Variants in FMN2 observed in about 807,000 individuals in gnomAD.
The protein encoded by FMN2 is formin 2, also known as formin-2.
FMN2 carries 51 observed loss-of-function variants against 142.3 expected under a neutral mutation model. The observed-to-expected ratio is 0.36, with a 90% CI of 0.29 to 0.45. The LOEUF is 0.45. Among genes scored for constraint, FMN2 ranks in the 20% least tolerant of loss-of-function variants. The pLI, the probability that FMN2 is intolerant of heterozygous loss-of-function variation, is 1.00. For synonymous variants in FMN2, 882 were observed against 869.8 expected (o/e 1.01, Z -0.25); for missense variants, 1,936 against 2,122.8 (o/e 0.91, Z 1.73).
rs1219188121 is a variant in FMN2 at position 240,114,656 on chromosome 1, CTT to C, written c.1616-8506_1616-8505del. Among the ~76,000 whole-genome samples the C allele has an allele frequency of 8.5e-3, 1,176 of 137,626 alleles. 11 individuals carry two copies. The highest frequency in any genetic ancestry group is 0.031 in the African/African-American group (1,094 of 35,780). 90.3% of individuals were successfully genotyped at this position (137,626 alleles called of 152,430 possible). On this transcript the variant is annotated intron_variant, in intron 1 of 17. Transcript: ENST00000319653. ...TGGTGATTTTCTAATTATATCATTTCTTTTTTTTTTTTTTTTTTGAGACAGAG... is the reference window on the plus strand; with the variant it reads ...TGGTGATTTTCTAATTATATCATTTCTTTTTTTTTTTTTTTTGAGACAGAG...
rs1465189419 is a variant in FMN2, at chr1:240,473,175, G to C, written c.5142+722G>C. 2.0e-5 allele frequency among the ~76,000 whole-genome samples: 3 copies of C among 152,232 alleles called. No homozygotes were observed. The South Asian group carries it at 6.2e-4, about 32-fold the overall frequency. ...AGCGCCAAGAGCAGTGTGACGCTTT[G>C]CCCAGGGTGCCCAGACCCCGTTTAT... On this transcript the variant is annotated intron_variant, in intron 17 of 17. Coordinates refer to ENST00000319653, the MANE Select transcript of FMN2 (RefSeq NM_020066.5). This position sits in a 1 kb window ranked among gnomAD's most constrained non-coding sequence, Gnocchi z 4.3.
At chr1:240,180,702 G>GA (rs1558341754) in intron 3 of FMN2, among the ~76,000 whole-genome samples, 1 of 151,536 alleles carries the variant, frequency 6.6e-6, no homozygotes, top group Non-Finnish European at 1.5e-5. Context: ...GAGTAGCTGG[G>GA]ATTACATGCG....
At chr1:240,212,404 A>G (rs994006781) in intron 6 of FMN2, among the ~76,000 whole-genome samples, 2 of 152,188 alleles carry the variant, frequency 1.3e-5, no homozygotes, top group Non-Finnish European at 2.9e-5. Flanking sequence ...ATGCAGTTGA[A>G]TTCTTTTAGA....
intron 8 of FMN2, among the ~76,000 whole-genome samples, chr1:240,324,664 G>T (rs1671094685): frequency 7.2e-6 from 1 of 138,024 alleles, no homozygotes; most frequent in Non-Finnish European, 1.6e-5. Flanking sequence ...GTGAGACCCT[G>T]TCGAAAGAAG....
rs185730737 is a variant in FMN2, at chr1:240,225,042, C to T, written c.4065+13807C>T. Reference sequence around the variant, plus strand: ...AGACCAAATGATCAATTTCTATGTTCATCAAAAAGATCTGTCTATGGGACT... The same window carrying T: ...AGACCAAATGATCAATTTCTATGTTTATCAAAAAGATCTGTCTATGGGACT... On this transcript the variant is annotated intron_variant, in intron 6 of 17. Coordinates refer to ENST00000319653, the MANE Select transcript of FMN2 (RefSeq NM_020066.5). 2.7e-3 allele frequency among the ~76,000 whole-genome samples: 413 copies of T among 152,268 alleles called. 3 individuals carry two copies. In the South Asian group the frequency reaches 0.027, roughly 10 times the overall value.
intron 16 of FMN2, among the ~76,000 whole-genome samples, chr1:240,440,029 A>G (rs1675554987): frequency 1.3e-5 from 2 of 152,146 alleles, no homozygotes. Context: ...AGAGTCCTCA[A>G]TGGAGTGTAG....
intron 15 of FMN2, among the ~76,000 whole-genome samples, chr1:240,433,058 T>A (rs1675229522): frequency 6.6e-6 from 1 of 152,200 alleles, no homozygotes; most frequent in Non-Finnish European, 1.5e-5. Context: ...GAAAGAGGTG[T>A]TAAAATATCC....
In FMN2 at chr1:240,207,094, A is replaced by G. The variant is rs1260509047; in HGVS notation, c.2282A>G (p.Asp761Gly). 6.2e-7 allele frequency: 1 copy of G among 1,613,950 alleles called. No homozygotes were observed. Among genetic ancestry groups the G allele is most frequent in the Non-Finnish European group, 8.5e-7 (1 of 1,179,988 alleles). ...GGGGTGCTGACACTGCCTCCTGTGG[A>G]TGGGCTGCCAGGGCGTCCTCCATGC... ...EGGVLTLPPV[D>G]GLPGRPPCPP... Residue 761 changes from aspartate to glycine, a missense_variant, in exon 5 of 18, where the codon GAT becomes GGT. By Grantham distance (94) the Asp-to-Gly change is moderately conservative. This residue lies in a region of FMN2 where 478 missense variants were observed against 462.8 expected (regional missense o/e 1.03). Coordinates refer to ENST00000319653, the MANE Select transcript of FMN2 (RefSeq NM_020066.5).
At chr1:240,456,069 G>T (rs9660269) in intron 16 of FMN2, among the ~76,000 whole-genome samples, 113,106 of 151,876 alleles carry the variant, frequency 0.74, 42,291 homozygotes, top group Middle Eastern at 0.82. Flanking sequence ...TTAATCACTA[G>T]TAGTCATGTG....
chr1:240,355,771 C>T, intron 13 of FMN2, 45 bp from the exon 14 acceptor site: 2 of 1,405,684 alleles, frequency 1.4e-6, no homozygotes, highest in Non-Finnish European at 2.0e-6. Context: ...CCTTAATGCT[C>T]CACTAACAGT....
intron 15 of FMN2, among the ~76,000 whole-genome samples, chr1:240,432,065 ATGTT>A (rs1000709733): frequency 7.9e-5 from 12 of 151,960 alleles, no homozygotes; most frequent in African/African-American, 2.4e-4. Context: ...TCTTCATCAA[ATGTT>A]TGTTAATTCA....
intron 15 of FMN2, among the ~76,000 whole-genome samples, chr1:240,427,497 A>G (rs1338703664): frequency 6.6e-6 from 1 of 152,096 alleles, no homozygotes; most frequent in Non-Finnish European, 1.5e-5. Flanking sequence ...GAGCCACCGC[A>G]CCTGGCCACA....
chr1:240,175,292 G>T (rs1406477854), intron 2 of FMN2, among the ~76,000 whole-genome samples: 3 of 152,120 alleles, frequency 2.0e-5, no homozygotes, highest in Non-Finnish European at 4.4e-5. Flanking sequence ...ATGAACATAG[G>T]TGTACAGATG....
At chr1:240,261,558 G>A (rs974363319) in intron 7 of FMN2, among the ~76,000 whole-genome samples, 4 of 152,108 alleles carry the variant, frequency 2.6e-5, no homozygotes, top group African/African-American at 7.2e-5. Context: ...AGTAATTAGT[G>A]TGTAAGGTTT....
chr1:240,253,915 G>A (rs1668362553), intron 6 of FMN2, among the ~76,000 whole-genome samples: 1 of 152,128 alleles, frequency 6.6e-6, no homozygotes, highest in African/African-American at 2.4e-5. Context: ...GGTTGTTAGT[G>A]GAGGTCATGG....
chr1:240,333,112 C>T (rs1046032112), intron 11 of FMN2, among the ~76,000 whole-genome samples: 1 of 152,048 alleles, frequency 6.6e-6, no homozygotes, highest in East Asian at 1.9e-4. Flanking sequence ...AAAATATATA[C>T]TTGAGCTCTC....
chr1:240,461,733 CA>C (rs916336719), intron 16 of FMN2, among the ~76,000 whole-genome samples: 3 of 151,788 alleles, frequency 2.0e-5, no homozygotes, highest in African/African-American at 7.3e-5. Flanking sequence ...TTCTCTTCTT[CA>C]TTCTTCTATC....
chr1:240,360,080 C>A (rs774194649), intron 14 of FMN2, among the ~76,000 whole-genome samples: 2 of 152,312 alleles, frequency 1.3e-5, no homozygotes, highest in Non-Finnish European at 2.9e-5. Flanking sequence ...AGGACACCGA[C>A]TAGTATCACG....
At chr1:240,224,162 C>T (rs1160840222) in intron 6 of FMN2, among the ~76,000 whole-genome samples, 1 of 152,102 alleles carries the variant, frequency 6.6e-6, no homozygotes, top group African/African-American at 2.4e-5. Flanking sequence ...TAGCTGTGTC[C>T]CAGAGATTCT....
Sources: gnomAD v4.1 joint callset for allele counts (sites outside exome capture counted in the v4.1 genomes callset) on GRCh38, gnomAD v4.1.1 for gene constraint, gnomAD v4.1.1 regional missense constraint, Gnocchi (gnomAD v3.1) non-coding constraint, MANE v1.5 for transcripts, NCBI Gene and HGNC (gene_info 2026-07-23, HGNC 2026-07-21) for gene names.